The following VPS26B variants were observed in gnomAD, a reference collection of about 807,000 sequenced individuals.
VPS26B encodes VPS26 retromer complex component B.
VPS26B carries 10 observed loss-of-function variants against 33.3 expected under a neutral mutation model. The observed-to-expected ratio is 0.30, with a 90% CI of 0.19 to 0.51. The LOEUF is 0.51. Ranked by LOEUF, VPS26B falls within the 20% of genes least tolerant of loss-of-function variation. VPS26B has a pLI of 0.98. For missense variants in VPS26B, 317 were observed against 452.7 expected (o/e 0.70, Z 2.72); for synonymous variants, 190 against 176.9 (o/e 1.07, Z -0.59).
intron 1 of VPS26B, among the ~76,000 whole-genome samples, chr11:134,226,982 C>A (rs894747471): frequency 2.0e-5 from 3 of 152,166 alleles, no homozygotes; most frequent in Non-Finnish European, 4.4e-5. Flanking sequence ...GAGTGAGTTC[C>A]ATGCCTTCTG....
intron 1 of VPS26B, among the ~76,000 whole-genome samples, chr11:134,230,528 C>T (rs1009611812): frequency 2.6e-5 from 4 of 152,220 alleles, no homozygotes; most frequent in East Asian, 1.9e-4. Flanking sequence ...CCACTGACAA[C>T]TCGGTGACTC....
chr11:134,242,802 C>A (rs1938753254), intron 3 of VPS26B, among the ~76,000 whole-genome samples: 1 of 152,244 alleles, frequency 6.6e-6, no homozygotes, highest in Non-Finnish European at 1.5e-5. Flanking sequence ...ATTAGGATAT[C>A]TTTCAAAAAC....
intron 1 of VPS26B, among the ~76,000 whole-genome samples, chr11:134,231,412 C>G (rs150361795): frequency 6.6e-6 from 1 of 152,152 alleles, no homozygotes; most frequent in Non-Finnish European, 1.5e-5. Context: ...AGCAGAGCTG[C>G]GCCTGGTGAG....
At chr11:134,243,031 C>T (rs770330111) in intron 3 of VPS26B, 88 bp from the exon 4 acceptor site, 14 of 1,361,994 alleles carry the variant, frequency 1.0e-5, no homozygotes, top group Non-Finnish European at 1.3e-5. Context: ...TTAACCAGCA[C>T]GCTTGGCCGT....
chr11:134,245,157 T>C lies in VPS26B; in HGVS notation c.864+77T>C. 1.3e-6 allele frequency: 2 copies of C among 1,553,710 alleles called. No individual in the cohort carries two copies. The highest frequency in any genetic ancestry group is 3.9e-5 in the Admixed American group (2 of 50,672). On this transcript the variant is annotated intron_variant, in intron 5 of 5. Transcript: ENST00000281187. The surrounding 1 kb of genome is among the most constrained non-coding windows in gnomAD (Gnocchi z 4.7). ...CTCTCTTTCCTATGGAAGGTCAGAC[T>C]CCATTTTTGCCAAGAGGTGGGAACA...
chr11:134,225,466 C>T, intron 1 of VPS26B, 121 bp downstream of exon 1: 3 of 1,004,296 alleles, frequency 3.0e-6, no homozygotes, highest in Non-Finnish European at 4.5e-6. Flanking sequence ...CAGTCTGAGG[C>T]CTGGGGTTCA....
In VPS26B at chr11:134,245,799, G is replaced by A. The variant is rs550436754; in HGVS notation, c.*209G>A. 107 of 646,124 alleles carry A rather than the reference G, an allele frequency of 1.7e-4. 1 individual carries two copies. Among genetic ancestry groups the A allele is most frequent in the Admixed American group, 8.8e-4 (29 of 33,098 alleles). The allele number at this position is 646,124 out of a possible 1,614,324, so 40.0% of individuals were successfully genotyped here. ...AGTCTCTCCTTGGGATTCTGCGGCC[G>A]ATGTGGGATAGAAGAGGTAGCATCC... On this transcript the variant is annotated 3_prime_UTR_variant, in exon 6 of 6. Coordinates refer to ENST00000281187, the MANE Select transcript of VPS26B (RefSeq NM_052875.5). This position sits in a 1 kb window ranked among gnomAD's most constrained non-coding sequence, Gnocchi z 4.7.
Position 134,225,031 on chromosome 11 carries a change from C to T in VPS26B, c.-92C>T, listed in dbSNP as rs1938412275. On this transcript the variant is annotated 5_prime_UTR_variant, in exon 1 of 6. Coordinates refer to ENST00000281187, the MANE Select transcript of VPS26B (RefSeq NM_052875.5). ...CCCGCGGCGGCCGAGCGCGCTCGCG[C>T]ATCGGGCCCTCTGGCCTTCTTTACC... 9 of 1,259,112 alleles carry T rather than the reference C, an allele frequency of 7.1e-6. No individual in the cohort carries two copies. In the South Asian group the frequency reaches 1.3e-4, roughly 18 times the overall value. 78.0% of individuals were successfully genotyped at this position (1,259,112 alleles called of 1,614,324 possible).
Position 134,232,792 on chromosome 11 carries a change from A to G in VPS26B, c.224-2105A>G, listed in dbSNP as rs186117753. Among the ~76,000 whole-genome samples the G allele has an allele frequency of 3.1e-3, 467 of 152,190 alleles. 1 individual carries two copies. The highest frequency in any genetic ancestry group is 7.9e-3 in the Admixed American group (121 of 15,298). On this transcript the variant is annotated intron_variant, in intron 1 of 5. Coordinates refer to ENST00000281187, the MANE Select transcript of VPS26B (RefSeq NM_052875.5). ...CTGCCTGCTTCTGTCCCCTGAAACT[A>G]TGGCCAGAATCTAGTGCTTAGAAAC...
rs753875206 is a variant in VPS26B at position 134,234,972 on chromosome 11, C to G, written c.299C>G (p.Thr100Ser). The change falls in exon 2 of 6, where the codon ACC becomes AGC. Residue 100 changes from threonine (T) to serine (S), a missense_variant. Transcript: ENST00000281187. ...GACCTGGCCCGGCCTGGAGAGATCA[C>G]CCAGTCGCAGGCCTTCGACTTTGAG... is the stretch of plus-strand genomic sequence containing the variant. ...VKDLARPGEI[T>S]QSQAFDFEFT... The G allele has an allele frequency of 6.2e-7, 1 of 1,614,186 alleles. No homozygotes were observed. Among genetic ancestry groups the G allele is most frequent in the South Asian group, 1.1e-5 (1 of 91,082 alleles).
chr11:134,247,360 T>A lies in VPS26B; in HGVS notation c.*1770T>A, dbSNP rs1456801273. 6.6e-6 allele frequency: 1 copy of A among 152,238 alleles called. No individual in the cohort carries two copies. The highest frequency in any genetic ancestry group is 1.5e-5 in the Non-Finnish European group (1 of 68,052). The allele number at this position is 152,238 out of a possible 1,614,324, so 9.4% of individuals were successfully genotyped here. Reference sequence around the variant, plus strand: ...TCCCTCCTTTTCCTAGCTGATATTCTAACTAGAAGCATTTGTCAATTCCTT... The same window carrying A: ...TCCCTCCTTTTCCTAGCTGATATTCAAACTAGAAGCATTTGTCAATTCCTT... On this transcript the variant is annotated 3_prime_UTR_variant, in exon 6 of 6. Coordinates refer to ENST00000281187, the MANE Select transcript of VPS26B (RefSeq NM_052875.5).
At chr11:134,234,612 C>T (rs1938603751) in intron 1 of VPS26B, among the ~76,000 whole-genome samples, 1 of 152,198 alleles carries the variant, frequency 6.6e-6, no homozygotes, top group Non-Finnish European at 1.5e-5. Context: ...TATTGGCTCC[C>T]ATGACTTACC....
intron 1 of VPS26B, among the ~76,000 whole-genome samples, chr11:134,231,432 G>A (rs1223659911): frequency 3.9e-5 from 6 of 152,182 alleles, no homozygotes; most frequent in East Asian, 1.9e-4. Context: ...GGCGTGGGCC[G>A]CTCAGAGGTG....
chr11:134,230,287 T>C (rs1938538458), intron 1 of VPS26B, among the ~76,000 whole-genome samples: 1 of 152,250 alleles, frequency 6.6e-6, no homozygotes, highest in Non-Finnish European at 1.5e-5. Flanking sequence ...TAGTAAATAT[T>C]TGTTGAATGG....
intron 3 of VPS26B, among the ~76,000 whole-genome samples, chr11:134,242,521 A>G (rs188614091): frequency 1.2e-3 from 176 of 152,364 alleles, no homozygotes; most frequent in African/African-American, 4.1e-3. Flanking sequence ...TGACTGACCC[A>G]GAGAAAAAAC....
intron 2 of VPS26B, among the ~76,000 whole-genome samples, chr11:134,238,806 A>G (rs368416211): frequency 1.6e-4 from 24 of 151,954 alleles, no homozygotes; most frequent in Middle Eastern, 3.2e-3. Context: ...TGTGTTAGCC[A>G]GGATGGTCTC....
At chr11:134,230,560 G>A (rs1938541741) in intron 1 of VPS26B, among the ~76,000 whole-genome samples, 1 of 152,162 alleles carries the variant, frequency 6.6e-6, no homozygotes, top group African/African-American at 2.4e-5. Flanking sequence ...TGCCCCCACT[G>A]GGGCTGCGTC....
intron 2 of VPS26B, 133 bp from the exon 3 acceptor site, chr11:134,239,858 T>G: frequency 3.1e-6 from 3 of 963,170 alleles, no homozygotes; most frequent in Non-Finnish European, 4.8e-6. Flanking sequence ...TGTAACTTCT[T>G]AAAAGGATAC....
intron 1 of VPS26B, 40 bp from the exon 2 acceptor site, chr11:134,234,857 G>T: frequency 1.2e-6 from 2 of 1,602,052 alleles, no homozygotes; most frequent in Non-Finnish European, 1.7e-6. Context: ...GTAGCTCAGG[G>T]TCTGATAAAG....
Sources: gnomAD v4.1 joint callset for allele counts (sites outside exome capture counted in the v4.1 genomes callset) on GRCh38, gnomAD v4.1.1 for gene constraint, Gnocchi (gnomAD v3.1) non-coding constraint, MANE v1.5 for transcripts, NCBI Gene and HGNC (gene_info 2026-07-23, HGNC 2026-07-21) for gene names.